Variants in DYNC1I1 observed in about 807,000 individuals in gnomAD.
DYNC1I1 encodes cytoplasmic dynein 1 intermediate chain 1.
A neutral mutation model predicts 86.6 loss-of-function variants in DYNC1I1; 43 were observed. That is an observed-to-expected ratio of 0.50 (90% CI 0.39 to 0.64). The LOEUF is 0.64. Among genes scored for constraint, DYNC1I1 ranks in the 30% least tolerant of loss-of-function variants. The pLI, the probability that DYNC1I1 is intolerant of heterozygous loss-of-function variation, is 0.00. For missense variants in DYNC1I1, 604 were observed against 788.8 expected, an observed-to-expected ratio of 0.77 and a Z score of 2.81; for synonymous variants, 262 against 283.7, an observed-to-expected ratio of 0.92 and a Z score of 0.77.
intron 6 of DYNC1I1, among the ~76,000 whole-genome samples, chr7:95,906,401 A>G (rs574322267): frequency 1.3e-5 from 2 of 152,230 alleles, no homozygotes; most frequent in Non-Finnish European, 2.9e-5. Context: ...CACTTGTCAC[A>G]GAGTGAGAGG....
At chr7:95,788,764 C>T (rs1464105536) in intron 1 of DYNC1I1, among the ~76,000 whole-genome samples, 1 of 152,100 alleles carries the variant, frequency 6.6e-6, no homozygotes, top group Non-Finnish European at 1.5e-5. Context: ...CTGCTACTTC[C>T]CAAGGCTGTG....
downstream of DYNC1I1, among the ~76,000 whole-genome samples, chr7:96,101,484 A>T (rs949660938): frequency 3.3e-5 from 5 of 152,322 alleles, no homozygotes; most frequent in South Asian, 2.1e-4. Context: ...GTCCTTCCCC[A>T]AAAGGACCTA....
chr7:95,798,312 C>G (rs1352890191), intron 1 of DYNC1I1, among the ~76,000 whole-genome samples: 4 of 151,776 alleles, frequency 2.6e-5, no homozygotes, highest in Non-Finnish European at 5.9e-5. Flanking sequence ...CAACTCCCTC[C>G]TGAGATGTCT....
chr7:96,058,505 T>C (rs1427385401), intron 14 of DYNC1I1, among the ~76,000 whole-genome samples: 1 of 152,164 alleles, frequency 6.6e-6, no homozygotes, highest in African/African-American at 2.4e-5. Context: ...TACATGACCA[T>C]TTATTGAGAG....
intron 6 of DYNC1I1, among the ~76,000 whole-genome samples, chr7:95,930,169 G>T (rs528762979): frequency 6.4e-4 from 98 of 152,322 alleles, no homozygotes; most frequent in African/African-American, 2.3e-3. Flanking sequence ...AGCCTGGCTG[G>T]TTGCTAAATT....
chr7:96,075,138 G>A (rs1008271513), intron 14 of DYNC1I1, among the ~76,000 whole-genome samples: 2 of 152,152 alleles, frequency 1.3e-5, no homozygotes, highest in Non-Finnish European at 2.9e-5. Flanking sequence ...GTCCAATTAC[G>A]TTTTATTTCT....
At chr7:95,919,148 G>T (rs991089157) in intron 6 of DYNC1I1, among the ~76,000 whole-genome samples, 8 of 152,044 alleles carry the variant, frequency 5.3e-5, no homozygotes, top group Non-Finnish European at 1.0e-4. Context: ...TTCATATAAG[G>T]CTATGCATTC....
intron 6 of DYNC1I1, among the ~76,000 whole-genome samples, chr7:95,893,328 G>A (rs909015358): frequency 2.0e-5 from 3 of 152,168 alleles, no homozygotes; most frequent in African/African-American, 7.2e-5. Context: ...CTGTTCATGT[G>A]TTTCTTCATT....
chr7:95,923,632 T>C (rs190528104), intron 6 of DYNC1I1, among the ~76,000 whole-genome samples: 2 of 152,274 alleles, frequency 1.3e-5, no homozygotes, highest in East Asian at 1.9e-4. Context: ...ACAATCATTT[T>C]TGTGGGATAA....
chr7:96,098,352 G>T lies in DYNC1I1; in HGVS notation c.*759G>T. The T allele has an allele frequency of 1.0e-6, 1 of 985,658 alleles. No individual in the cohort carries two copies. The highest frequency in any genetic ancestry group is 1.2e-6 in the Non-Finnish European group (1 of 829,924). The allele number at this position is 985,658 out of a possible 1,614,324, so 61.1% of individuals were successfully genotyped here. On this transcript the variant is annotated 3_prime_UTR_variant, in exon 17 of 17. Coordinates refer to ENST00000447467, the MANE Select transcript of DYNC1I1 (RefSeq NM_001135556.2). ...TTGACCACTAATACTTCTCACTGAA[G>T]CTAACACAGTCTGACAAAAGTCTAT...
At chr7:95,783,645 C>G (rs1478983) in intron 1 of DYNC1I1, among the ~76,000 whole-genome samples, 26,158 of 152,114 alleles carry the variant, frequency 0.17, 2,281 homozygotes, top group African/African-American at 0.18. Context: ...GCAGACTGAC[C>G]AGACATCAGT....
chr7:95,929,160 C>T (rs904834701), intron 6 of DYNC1I1, among the ~76,000 whole-genome samples: 4 of 152,108 alleles, frequency 2.6e-5, no homozygotes, highest in Admixed American at 2.6e-4. Flanking sequence ...CTAGTATTTT[C>T]TGCTCTTCCA....
chr7:95,987,308 C>G (rs766928065), intron 9 of DYNC1I1, among the ~76,000 whole-genome samples, 153 bp downstream of exon 9: 1 of 152,226 alleles, frequency 6.6e-6, no homozygotes, highest in Non-Finnish European at 1.5e-5. Flanking sequence ...TTTCAATTCT[C>G]TACTCAGTTA....
intron 14 of DYNC1I1, among the ~76,000 whole-genome samples, chr7:96,061,009 G>A (rs1391558965): frequency 1.3e-5 from 2 of 152,152 alleles, no homozygotes; most frequent in African/African-American, 4.8e-5. Flanking sequence ...TTTGAGAGGG[G>A]ATTGTGGGGT....
chr7:96,014,726 G>A (rs979419147), intron 10 of DYNC1I1, among the ~76,000 whole-genome samples: 1 of 152,168 alleles, frequency 6.6e-6, no homozygotes, highest in African/African-American at 2.4e-5. Flanking sequence ...TCAAGCTACG[G>A]ATCTTGTTTT....
At position 95,869,879 on chromosome 7, in the gene DYNC1I1, A is replaced by C. The variant is rs754373412; in HGVS notation, c.375-4A>C. On this transcript the variant is annotated splice_region_variant and splice_polypyrimidine_tract_variant and intron_variant, in intron 5 of 16. Transcript: ENST00000447467. ...TCTAAGCATTTATTCTTTGTTACTT[A>C]CAGAAGAAGACTGCATAAACTGGGC... 1 of 1,612,340 alleles carries C rather than the reference A, an allele frequency of 6.2e-7. No homozygotes were observed. Among genetic ancestry groups the C allele is most frequent in the Non-Finnish European group, 8.5e-7 (1 of 1,179,288 alleles).
chr7:95,813,534 A>G (rs1794880583), intron 4 of DYNC1I1, among the ~76,000 whole-genome samples, 197 bp downstream of exon 4: 4 of 152,174 alleles, frequency 2.6e-5, no homozygotes, highest in Admixed American at 6.6e-5. Flanking sequence ...TGATCAACAT[A>G]TATCATCCTT....
chr7:95,892,008 C>T (rs1427538339), intron 6 of DYNC1I1, among the ~76,000 whole-genome samples: 1 of 152,094 alleles, frequency 6.6e-6, no homozygotes, highest in African/African-American at 2.4e-5. Context: ...TGCTCTTTCA[C>T]CCAGGCTGGA....
At chr7:95,880,573 A>T (rs181859951) in intron 6 of DYNC1I1, among the ~76,000 whole-genome samples, 1 of 151,640 alleles carries the variant, frequency 6.6e-6, no homozygotes, top group African/African-American at 2.4e-5. Context: ...AGAGTGGGTA[A>T]GTCTGCCTAT....
Sources: gnomAD v4.1 joint callset for allele counts (sites outside exome capture counted in the v4.1 genomes callset) on GRCh38, gnomAD v4.1.1 for gene constraint, MANE v1.5 for transcripts, NCBI Gene and HGNC (gene_info 2026-07-23, HGNC 2026-07-21) for gene names.